Variants in BCAP29 observed in about 807,000 individuals in gnomAD.
BCAP29 encodes the protein B-cell receptor-associated protein 29.
BCAP29 carries 34 observed loss-of-function variants against 31.8 expected under a neutral mutation model. The ratio of observed to expected loss-of-function variants is 1.07; its 90% CI spans 0.81 to 1.42. The LOEUF (loss-of-function observed/expected upper bound fraction) is 1.42, where lower values mean the gene tolerates loss of function less well. Ranked by LOEUF, BCAP29 falls within the 40% of genes most tolerant of loss-of-function variation. The pLI is 0.00. For synonymous variants in BCAP29, 104 were observed against 91.3 expected, an observed-to-expected ratio of 1.14 and a Z score of -0.79; for missense variants, 314 against 269.2, an observed-to-expected ratio of 1.17 and a Z score of -1.16.
At chr7:107,594,489 TTTTG>T (rs71134271) in intron 4 of BCAP29, among the ~76,000 whole-genome samples, 52 of 149,602 alleles carry the variant, frequency 3.5e-4, no homozygotes, top group African/African-American at 4.5e-4. Flanking sequence ...CCTACTGTAG[TTTTG>T]TTTGTTTGTT....
At chr7:107,603,716 C>T (rs1811591688) in intron 6 of BCAP29, among the ~76,000 whole-genome samples, 1 of 151,430 alleles carries the variant, frequency 6.6e-6, no homozygotes, top group Admixed American at 6.6e-5. Context: ...GGAGATCCTC[C>T]CGCCTCAGCC....
intron 1 of BCAP29, 93 bp from the exon 2 acceptor site, chr7:107,580,666 G>C: frequency 1.2e-6 from 1 of 826,370 alleles, no homozygotes; most frequent in Non-Finnish European, 2.0e-6. Context: ...GTGGAACACT[G>C]TCCATCCCCT....
intron 7 of BCAP29, 38 bp downstream of exon 7, chr7:107,613,470 G>T: frequency 6.8e-7 from 1 of 1,471,182 alleles, no homozygotes; most frequent in South Asian, 1.2e-5. Flanking sequence ...TAAATGTTTT[G>T]AAATAGTAAT....
Position 107,613,374 on chromosome 7 carries a change from A to G in BCAP29, c.632A>G (p.Gln211Arg), listed in dbSNP as rs1813577572. Residue 211 changes from glutamine (Q) to arginine (R), a missense_variant, in exon 7 of 8, where the codon CAG (glutamine) becomes CGG (arginine). Gln to Arg is a conservative substitution (Grantham distance 43, BLOSUM62 1). Transcript: ENST00000005259. ...AQNDVMEMKM[Q>R]SERLSKEYDQ... ...AATGATGTGATGGAAATGAAGATGCAGTCAGAGAGACTTTCGAAAGAATAT... is the reference window on the plus strand; with the variant it reads ...AATGATGTGATGGAAATGAAGATGCGGTCAGAGAGACTTTCGAAAGAATAT... The G allele has an allele frequency of 6.2e-7, 1 of 1,613,110 alleles. No homozygotes were observed. Among genetic ancestry groups the G allele is most frequent in the African/African-American group, 1.3e-5 (1 of 74,922 alleles).
Position 107,619,569 on chromosome 7 carries a change from A to T in BCAP29, c.*1206A>T, listed in dbSNP as rs1270151474. 6.6e-6 allele frequency: 1 copy of T among 152,170 alleles called. No individual in the cohort carries two copies. Among genetic ancestry groups the T allele is most frequent in the Admixed American group, 6.5e-5 (1 of 15,276 alleles). 9.4% of individuals were successfully genotyped at this position (152,170 alleles called of 1,614,324 possible). On this transcript the variant is annotated 3_prime_UTR_variant, in exon 8 of 8. Transcript: ENST00000005259. ...GGATGAAATGAGCAAGTACCTAAAA[A>T]TTTTATTTCAGATAAAAGTCAGGAG...
intron 3 of BCAP29, among the ~76,000 whole-genome samples, chr7:107,591,885 T>TA (rs752700023): frequency 7.9e-5 from 12 of 152,168 alleles, no homozygotes; most frequent in Non-Finnish European, 1.6e-4. Flanking sequence ...ATACAGGAGT[T>TA]AGAGAAAGAA....
At chr7:107,603,943 G>A (rs539653344) in intron 6 of BCAP29, among the ~76,000 whole-genome samples, 11 of 152,000 alleles carry the variant, frequency 7.2e-5, no homozygotes, top group East Asian at 3.9e-4. Context: ...TAATTCAGTC[G>A]TTGTAAAGTC....
intron 5 of BCAP29, among the ~76,000 whole-genome samples, chr7:107,599,818 C>G (rs1810823142): frequency 6.6e-6 from 1 of 151,766 alleles, no homozygotes; most frequent in Admixed American, 6.6e-5. Context: ...ATTTTTAAAG[C>G]CAGAATCAAT....
intron 7 of BCAP29, among the ~76,000 whole-genome samples, chr7:107,616,812 C>A (rs7789309): frequency 0.023 from 3,516 of 152,208 alleles, 134 homozygotes; most frequent in African/African-American, 0.08. Context: ...AATCTCAGCT[C>A]GCTGCAACCT....
intron 5 of BCAP29, among the ~76,000 whole-genome samples, chr7:107,596,845 G>A (rs1809914901): frequency 6.6e-6 from 1 of 152,006 alleles, no homozygotes; most frequent in Non-Finnish European, 1.5e-5. Flanking sequence ...CTTTTCTCTT[G>A]GAATTGTTTT....
intron 3 of BCAP29, among the ~76,000 whole-genome samples, chr7:107,591,994 G>A (rs540291826): frequency 2.2e-4 from 33 of 151,604 alleles, no homozygotes; most frequent in African/African-American, 1.9e-4. Context: ...GCCATTTTGC[G>A]CATGCTGGTC....
intron 4 of BCAP29, among the ~76,000 whole-genome samples, chr7:107,594,823 T>C (rs191378937): frequency 1.1e-4 from 16 of 152,240 alleles, no homozygotes; most frequent in Admixed American, 4.6e-4. Flanking sequence ...TTATAACATC[T>C]TTGTAAAAGA....
At chr7:107,584,023 T>C in intron 3 of BCAP29, 41 bp downstream of exon 3, 1 of 1,148,444 alleles carries the variant, frequency 8.7e-7, no homozygotes, top group Non-Finnish European at 1.2e-6. Context: ...ATAACTTTTT[T>C]TAAATGAATT....
chr7:107,590,079 G>A (rs1039244483), intron 3 of BCAP29, among the ~76,000 whole-genome samples: 6 of 151,958 alleles, frequency 3.9e-5, no homozygotes, highest in Non-Finnish European at 7.4e-5. Context: ...TATTTTAACT[G>A]AACAATAATG....
intron 2 of BCAP29, 91 bp downstream of exon 2, chr7:107,580,955 A>G: frequency 1.1e-6 from 1 of 915,182 alleles, no homozygotes; most frequent in Admixed American, 3.8e-5. Flanking sequence ...AAGTTTCGAA[A>G]GTCTTTGAAA....
At chr7:107,616,651 T>G (rs1452491981) in intron 7 of BCAP29, among the ~76,000 whole-genome samples, 1 of 152,204 alleles carries the variant, frequency 6.6e-6, no homozygotes, top group Non-Finnish European at 1.5e-5. Context: ...TACATTTTTT[T>G]CCTTCACCTA....
At chr7:107,604,980 T>A (rs1811820499) in intron 6 of BCAP29, among the ~76,000 whole-genome samples, 1 of 152,216 alleles carries the variant, frequency 6.6e-6, no homozygotes, top group African/African-American at 2.4e-5. Flanking sequence ...AGTTCATCTC[T>A]GTGTTATCTT....
intron 5 of BCAP29, among the ~76,000 whole-genome samples, chr7:107,599,143 A>G (rs1429125311): frequency 7.8e-6 from 1 of 128,036 alleles, no homozygotes; most frequent in Non-Finnish European, 1.6e-5. Context: ...ATTTATATGT[A>G]TATAAATATA....
At chr7:107,622,095 C>T, downstream of BCAP29, 1 of 421,150 alleles carries the variant, frequency 2.4e-6, no homozygotes, top group South Asian at 1.9e-5. Flanking sequence ...ATTGTCGTTG[C>T]CATTGCCTCT....
Sources: allele counts gnomAD v4.1 joint callset (sites outside exome capture counted in the v4.1 genomes callset), GRCh38; gene constraint gnomAD v4.1.1; transcripts MANE v1.5; gene names NCBI Gene and HGNC (gene_info 2026-07-23, HGNC 2026-07-21).